ELMOD3: variants seen among roughly 807,000 people sequenced by gnomAD.
The protein encoded by ELMOD3 is ELMO domain containing 3, also known as ELMO domain-containing protein 3.
In ELMOD3, 36 loss-of-function variants were observed where a neutral mutation model predicts 47.4. The observed-to-expected ratio is 0.76, with a 90% CI of 0.58 to 1.00. The LOEUF (loss-of-function observed/expected upper bound fraction) is 1.00, where lower values mean the gene tolerates loss of function less well. Ranked by LOEUF, ELMOD3 falls within the 50% of genes least tolerant of loss-of-function variation. The pLI, the probability that ELMOD3 is intolerant of heterozygous loss-of-function variation, is 0.00. For synonymous variants in ELMOD3, 149 were observed against 183.5 expected (o/e 0.81, Z 1.52); for missense variants, 404 against 463.8 (o/e 0.87, Z 1.18).
At chr2:85,361,892 C>CT (rs1341603565) in intron 4 of ELMOD3, among the ~76,000 whole-genome samples, 1 of 151,344 alleles carries the variant, frequency 6.6e-6, no homozygotes, top group Non-Finnish European at 1.5e-5. Flanking sequence ...GATCGTGCCA[C>CT]TGTACTCCAG....
chr2:85,358,832 C>A (rs961222991), intron 4 of ELMOD3, among the ~76,000 whole-genome samples: 2 of 152,210 alleles, frequency 1.3e-5, no homozygotes, highest in African/African-American at 4.8e-5. Context: ...CTTGTCCCCC[C>A]AGCCACTCAG....
chr2:85,375,648 T>A (rs939629785), intron 10 of ELMOD3, among the ~76,000 whole-genome samples: 1 of 152,264 alleles, frequency 6.6e-6, no homozygotes, highest in Non-Finnish European at 1.5e-5. Context: ...GATCCTATAG[T>A]CACTTTCTAT....
chr2:85,379,451 C>T (rs1332255126), intron 11 of ELMOD3, among the ~76,000 whole-genome samples: 3 of 152,136 alleles, frequency 2.0e-5, no homozygotes, highest in Non-Finnish European at 2.9e-5. Context: ...GTGATCTGCC[C>T]GCCTCAGCCT....
chr2:85,381,820 C>G (rs1685558131), intron 11 of ELMOD3, among the ~76,000 whole-genome samples: 1 of 151,990 alleles, frequency 6.6e-6, no homozygotes, highest in South Asian at 2.1e-4. Flanking sequence ...TAATTGCTGT[C>G]AATGTTTAAG....
At chr2:85,387,126 A>G in intron 11 of ELMOD3, 1 of 1,301,348 alleles carries the variant, frequency 7.7e-7, no homozygotes, top group Non-Finnish European at 1.0e-6. Context: ...AAGGGATGAT[A>G]TTATGCAAGT....
intron 6 of ELMOD3, among the ~76,000 whole-genome samples, chr2:85,363,428 G>A (rs1446622802): frequency 1.3e-5 from 2 of 152,188 alleles, no homozygotes; most frequent in African/African-American, 4.8e-5. Flanking sequence ...TATCCTCAAA[G>A]GGATGTTATG....
rs537843108 is a variant in ELMOD3 at position 85,378,718 on chromosome 2, G to A, written c.738+1244G>A. Among the ~76,000 whole-genome samples, 5 of 152,300 alleles carry A rather than the reference G, an allele frequency of 3.3e-5. No individual in the cohort carries two copies. In the South Asian group the frequency reaches 8.3e-4, roughly 25 times the overall value. On this transcript the variant is annotated intron_variant, in intron 11 of 13. Transcript: ENST00000409013. ...TGGCTTGACATTTCCCTTTAGCTTA[G>A]TGATTTTGGGGGCCCAAGATATTTT...
intron 6 of ELMOD3, among the ~76,000 whole-genome samples, chr2:85,366,959 T>G (rs1419599736): frequency 1.3e-5 from 2 of 152,094 alleles, no homozygotes; most frequent in African/African-American, 4.8e-5. Flanking sequence ...ACCGGAAAAG[T>G]CAGTGACAGA....
chr2:85,383,465 C>T (rs112658260), intron 11 of ELMOD3, among the ~76,000 whole-genome samples: 167 of 152,186 alleles, frequency 1.1e-3, no homozygotes, highest in African/African-American at 3.8e-3. Flanking sequence ...CATTTTGCTA[C>T]TTGAGAAAAC....
At chr2:85,355,259 A>T (rs1683466350) in intron 2 of ELMOD3, 89 bp downstream of exon 2, 1 of 152,152 alleles carries the variant, frequency 6.6e-6, no homozygotes, top group African/African-American at 2.4e-5. Context: ...GCGGGTCCCT[A>T]ATGACACCCC....
At chr2:85,389,301 C>A (rs1444138566) in intron 11 of ELMOD3, among the ~76,000 whole-genome samples, 1 of 152,206 alleles carries the variant, frequency 6.6e-6, no homozygotes, top group Non-Finnish European at 1.5e-5. Flanking sequence ...ATCAGCCAGA[C>A]AACCAGAAGC....
At chr2:85,365,279 G>T (rs1191931717) in intron 6 of ELMOD3, among the ~76,000 whole-genome samples, 2 of 151,390 alleles carry the variant, frequency 1.3e-5, no homozygotes, top group African/African-American at 4.8e-5. Flanking sequence ...GAACCCGGGA[G>T]GCAGAGGTTG....
At chr2:85,387,184 T>C (rs1426243957) in intron 11 of ELMOD3, 2 of 1,255,538 alleles carry the variant, frequency 1.6e-6, no homozygotes, top group Non-Finnish European at 2.1e-6. Context: ...GAGGTATACA[T>C]GAAGGTCAGC....
In ELMOD3 at chr2:85,385,149, C is replaced by T. The variant is rs941030375; in HGVS notation, c.739-4602C>T. On this transcript the variant is annotated intron_variant, in intron 11 of 13. Coordinates refer to ENST00000409013, the MANE Select transcript of ELMOD3 (RefSeq NM_001135022.2). ...GCCAAGCTGATATCTGGGAGAAGAACATACCAGGCAGAGGGATTAGCTAGA... is the reference window on the plus strand; with the variant it reads ...GCCAAGCTGATATCTGGGAGAAGAATATACCAGGCAGAGGGATTAGCTAGA... 1.2e-4 allele frequency among the ~76,000 whole-genome samples: 19 copies of T among 152,224 alleles called. No homozygotes were observed. The East Asian group carries it at 2.7e-3, about 22-fold the overall frequency.
intron 10 of ELMOD3, 163 bp downstream of exon 10, chr2:85,371,725 A>G (rs1254986866): frequency 2.0e-6 from 2 of 1,003,066 alleles, no homozygotes; most frequent in African/African-American, 3.2e-5. Flanking sequence ...GGCGCCTGCT[A>G]GTTCTGCTTG....
At chr2:85,377,134 A>G (rs537296507) in intron 10 of ELMOD3, among the ~76,000 whole-genome samples, 4 of 152,316 alleles carry the variant, frequency 2.6e-5, no homozygotes, top group Non-Finnish European at 4.4e-5. Context: ...CTGATGTGGG[A>G]GGCTGCCTCC....
At chr2:85,382,758 C>T (rs1369208272) in intron 11 of ELMOD3, among the ~76,000 whole-genome samples, 1 of 151,968 alleles carries the variant, frequency 6.6e-6, no homozygotes, top group Non-Finnish European at 1.5e-5. Context: ...TCAGGTGATC[C>T]ACACGCCTTG....
chr2:85,377,237 A>T, intron 10 of ELMOD3, 107 bp from the exon 11 acceptor site: 1 of 1,056,282 alleles, frequency 9.5e-7, no homozygotes, highest in Non-Finnish European at 1.3e-6. Flanking sequence ...TGTGCTGCTC[A>T]TGCTCCGCTA....
At chr2:85,370,885 A>G (rs573906709) in intron 8 of ELMOD3, among the ~76,000 whole-genome samples, 1 of 152,314 alleles carries the variant, frequency 6.6e-6, no homozygotes, top group Admixed American at 6.5e-5. Flanking sequence ...ACCTTGCAAA[A>G]AATCTGGGAG....
Sources: gnomAD v4.1 joint callset for allele counts (sites outside exome capture counted in the v4.1 genomes callset) on GRCh38, gnomAD v4.1.1 for gene constraint, MANE v1.5 for transcripts, NCBI Gene and HGNC (gene_info 2026-07-23, HGNC 2026-07-21) for gene names.